Variants in GPC5 observed in about 807,000 individuals in gnomAD.
The protein encoded by GPC5 is glypican-5.
In GPC5, 47 loss-of-function variants were observed where a neutral mutation model predicts 53.9. The ratio of observed to expected loss-of-function variants is 0.87; its 90% confidence interval spans 0.69 to 1.11. GPC5 has a LOEUF of 1.11. Ranked by LOEUF, GPC5 falls within the 50% of genes most tolerant of loss-of-function variation. GPC5 has a pLI of 0.00. For missense variants in GPC5, 748 were observed against 713.1 expected, an observed-to-expected ratio of 1.05 and a Z score of -0.56; for synonymous variants, 286 against 263.3, an observed-to-expected ratio of 1.09 and a Z score of -0.84.
chr13:92,433,381 G>A (rs188153191), intron 7 of GPC5, among the ~76,000 whole-genome samples: 34 of 152,264 alleles, frequency 2.2e-4, no homozygotes, highest in African/African-American at 6.0e-4. Flanking sequence ...TGAGTGGAAC[G>A]GTGGGGTAGC....
At chr13:92,321,796 A>G (rs1040894704) in intron 7 of GPC5, among the ~76,000 whole-genome samples, 31 of 152,122 alleles carry the variant, frequency 2.0e-4, no homozygotes, top group African/African-American at 7.2e-4. Flanking sequence ...TGTTCATTGC[A>G]TTTATTTTCT....
At chr13:91,868,079 A>T (rs1489823320) in intron 5 of GPC5, among the ~76,000 whole-genome samples, 3 of 152,194 alleles carry the variant, frequency 2.0e-5, no homozygotes, top group Admixed American at 2.0e-4. Flanking sequence ...TATTCAAGAA[A>T]TTGTCTTTTT....
chr13:92,551,313 G>A (rs944561896), intron 7 of GPC5, among the ~76,000 whole-genome samples: 1 of 150,394 alleles, frequency 6.6e-6, no homozygotes, highest in Non-Finnish European at 1.5e-5. Flanking sequence ...AAAAAAAAGA[G>A]AGCGAAAATA....
At chr13:92,010,188 T>C (rs2040648023) in intron 6 of GPC5, among the ~76,000 whole-genome samples, 1 of 152,176 alleles carries the variant, frequency 6.6e-6, no homozygotes, top group Non-Finnish European at 1.5e-5. Flanking sequence ...CTTTCCTGTT[T>C]TACATCTGCT....
chr13:92,053,917 A>G (rs1329276642), intron 6 of GPC5, among the ~76,000 whole-genome samples: 2 of 151,844 alleles, frequency 1.3e-5, no homozygotes, highest in African/African-American at 4.8e-5. Flanking sequence ...CTGTAATCCC[A>G]GCTCCTCGGG....
chr13:91,498,479 A>G (rs968868713), intron 2 of GPC5, among the ~76,000 whole-genome samples: 3 of 152,046 alleles, frequency 2.0e-5, no homozygotes, highest in Non-Finnish European at 4.4e-5. Flanking sequence ...TAAGAAGGGA[A>G]GGGGAAGGAC....
chr13:92,091,016 C>G (rs916029896), intron 6 of GPC5, among the ~76,000 whole-genome samples: 1 of 152,178 alleles, frequency 6.6e-6, no homozygotes, highest in African/African-American at 2.4e-5. Flanking sequence ...AAAAAGGCAG[C>G]TTTCACGAGG....
intron 7 of GPC5, among the ~76,000 whole-genome samples, chr13:92,268,870 G>A (rs1197169155): frequency 1.3e-5 from 2 of 151,924 alleles, no homozygotes; most frequent in Non-Finnish European, 2.9e-5. Flanking sequence ...ACAATTTTAT[G>A]ATTCATGTTT....
chr13:92,430,526 T>G (rs542763063), intron 7 of GPC5, among the ~76,000 whole-genome samples: 1 of 152,276 alleles, frequency 6.6e-6, no homozygotes, highest in South Asian at 2.1e-4. Context: ...CAGACATATC[T>G]GAGCCAGGGT....
chr13:92,537,020 G>A (rs904794356), intron 7 of GPC5, among the ~76,000 whole-genome samples: 1 of 151,878 alleles, frequency 6.6e-6, no homozygotes, highest in African/African-American at 2.4e-5. Context: ...GCTCTGAAAA[G>A]GTTTATATCT....
intron 2 of GPC5, among the ~76,000 whole-genome samples, chr13:91,528,417 C>G (rs1057096922): frequency 1.8e-4 from 28 of 152,204 alleles, no homozygotes; most frequent in Admixed American, 3.9e-4. Flanking sequence ...GACCTTTGCT[C>G]CAATTCTCAA....
chr13:92,368,838 C>T (rs190928189), intron 7 of GPC5, among the ~76,000 whole-genome samples: 17 of 152,060 alleles, frequency 1.1e-4, no homozygotes, highest in African/African-American at 3.9e-4. Context: ...TAACTGAAGC[C>T]GGGCATATGC....
At chr13:92,515,594 C>T (rs980022948) in intron 7 of GPC5, among the ~76,000 whole-genome samples, 1 of 152,022 alleles carries the variant, frequency 6.6e-6, no homozygotes, top group South Asian at 2.1e-4. Context: ...ATTTTATATA[C>T]CCTCATAATA....
At chr13:91,812,612 T>C (rs2038330794) in intron 5 of GPC5, among the ~76,000 whole-genome samples, 1 of 152,182 alleles carries the variant, frequency 6.6e-6, no homozygotes, top group African/African-American at 2.4e-5. Context: ...CAATCCAGCA[T>C]TTTTCTAGTA....
At chr13:92,757,580 C>G (rs574472707) in intron 7 of GPC5, among the ~76,000 whole-genome samples, 1 of 152,240 alleles carries the variant, frequency 6.6e-6, no homozygotes, top group East Asian at 1.9e-4. Context: ...GCATCCTACT[C>G]ATCTGAAAAA....
chr13:91,400,481 C>T (rs1327479576), intron 1 of GPC5, among the ~76,000 whole-genome samples: 1 of 152,212 alleles, frequency 6.6e-6, no homozygotes, highest in African/African-American at 2.4e-5. Flanking sequence ...GGCGATTCTT[C>T]TATCCCCAAA....
chr13:91,727,493 T>C (rs1269363357), intron 3 of GPC5, among the ~76,000 whole-genome samples: 2 of 152,196 alleles, frequency 1.3e-5, no homozygotes, highest in Non-Finnish European at 2.9e-5. Context: ...ACTCATATTT[T>C]CCCTATTATA....
intron 6 of GPC5, among the ~76,000 whole-genome samples, chr13:92,048,302 T>A (rs2041000044): frequency 6.6e-6 from 1 of 151,740 alleles, no homozygotes; most frequent in African/African-American, 2.4e-5. Context: ...TAAATTTATT[T>A]TATATTACAT....
At chr13:92,843,340 C>T (rs931695624) in intron 7 of GPC5, among the ~76,000 whole-genome samples, 28 of 152,152 alleles carry the variant, frequency 1.8e-4, no homozygotes, top group African/African-American at 6.7e-4. Flanking sequence ...GAGCATTTAG[C>T]AAATATTTAT....
Sources: gnomAD v4.1 joint callset for allele counts (sites outside exome capture counted in the v4.1 genomes callset) on GRCh38, gnomAD v4.1.1 for gene constraint, MANE v1.5 for transcripts, NCBI Gene and HGNC (gene_info 2026-07-23, HGNC 2026-07-21) for gene names.